CD163L1: variants seen among roughly 807,000 people sequenced by gnomAD.
CD163L1 encodes scavenger receptor cysteine-rich type 1 protein M160.
Under a neutral mutation model 165.4 loss-of-function variants are expected in CD163L1, and 124 were observed. That is an observed-to-expected ratio of 0.75 (90% CI 0.65 to 0.87). CD163L1 has a LOEUF of 0.87. Among genes scored for constraint, CD163L1 ranks in the 40% least tolerant of loss-of-function variants. The probability of loss-of-function intolerance (pLI) is 0.00; values close to 1 mark genes in which losing one functional copy is unlikely to be tolerated. For synonymous variants in CD163L1, 585 were observed against 662.2 expected, an observed-to-expected ratio of 0.88 and a Z score of 1.79; for missense variants, 1,525 against 1,799.9, an observed-to-expected ratio of 0.85 and a Z score of 2.76.
chr12:7,439,092 G>A, intron 2 of CD163L1: 2 of 1,576,286 alleles, frequency 1.3e-6, no homozygotes, highest in South Asian at 1.2e-5. Context: ...CCTGTGTCCT[G>A]CCCTGCTCTC....
chr12:7,319,697 A>G, the CD163L1 span, among the ~76,000 whole-genome samples: 1 of 152,148 alleles, frequency 6.6e-6, no homozygotes, highest in East Asian at 1.9e-4. Flanking sequence ...AACAGAAACC[A>G]GTCTGTCCTT....
downstream of CD163L1, among the ~76,000 whole-genome samples, chr12:7,342,963 T>C (rs1183286358): frequency 2.0e-5 from 3 of 152,346 alleles, no homozygotes; most frequent in South Asian, 2.1e-4. Context: ...CACCAATTTA[T>C]ACCTGTTTAC....
chr12:7,411,727 C>T lies in CD163L1; in HGVS notation c.767-4875G>A, dbSNP rs188512159. ...TTTTCTTTATAAATTATCCAGTCTC[C>T]GGTATTCCTTCATAGCAATGCAAAT... On this transcript the variant is annotated intron_variant, in intron 4 of 19. Transcript: ENST00000313599. Among the ~76,000 whole-genome samples the T allele has an allele frequency of 1.2e-4, 18 of 152,290 alleles. No homozygotes were observed. In the East Asian group the frequency reaches 2.5e-3, roughly 21 times the overall value.
chr12:7,341,257 A>G, the CD163L1 span, among the ~76,000 whole-genome samples: 2,136 of 152,290 alleles, frequency 0.014, 26 homozygotes, highest in Admixed American at 0.021. Context: ...GTAAGATAAA[A>G]GTTGTGGGAC....
At chr12:7,407,045 G>A (rs1423987547) in intron 4 of CD163L1, among the ~76,000 whole-genome samples, 193 bp from the exon 5 acceptor site, 1 of 152,170 alleles carries the variant, frequency 6.6e-6, no homozygotes, top group African/African-American at 2.4e-5. Context: ...ATACTATGAT[G>A]TTGACAATCC....
chr12:7,421,597 A>ATACATG (rs1948426740), intron 4 of CD163L1, among the ~76,000 whole-genome samples: 2 of 11,472 alleles, frequency 1.7e-4, no homozygotes, highest in South Asian at 4.0e-3. Flanking sequence ...ACATATACAT[A>ATACATG]TATGTACACA....
intron 8 of CD163L1, among the ~76,000 whole-genome samples, chr12:7,384,453 T>C (rs772942012): frequency 2.0e-5 from 3 of 152,202 alleles, no homozygotes; most frequent in South Asian, 4.2e-4. Context: ...GATCTCCAAA[T>C]TGATACACCT....
intron 4 of CD163L1, among the ~76,000 whole-genome samples, chr12:7,419,677 T>A (rs1247610197): frequency 6.6e-6 from 1 of 152,046 alleles, no homozygotes; most frequent in African/African-American, 2.4e-5. Flanking sequence ...ACAAAATTAA[T>A]GTATACAAAT....
At chr12:7,327,354 C>T in the CD163L1 span, among the ~76,000 whole-genome samples, 2 of 152,138 alleles carry the variant, frequency 1.3e-5, no homozygotes, top group Admixed American at 1.3e-4. Flanking sequence ...TAGTCCCATT[C>T]TGTATGAGAA....
At chr12:7,357,542 G>A (rs1946803651) in intron 18 of CD163L1, 56 bp from the exon 19 acceptor site, 1 of 1,469,678 alleles carries the variant, frequency 6.8e-7, no homozygotes, top group Non-Finnish European at 9.5e-7. Context: ...TCTGCAGAGG[G>A]AAGAGCTGTT....
chr12:7,323,284 G>A, the CD163L1 span: 1 of 1,611,364 alleles, frequency 6.2e-7, no homozygotes, highest in Non-Finnish European at 8.5e-7. Flanking sequence ...CAGGTTCAAT[G>A]GGGAAAGGAA....
chr12:7,418,444 A>G (rs1948288169), intron 4 of CD163L1, among the ~76,000 whole-genome samples: 1 of 152,098 alleles, frequency 6.6e-6, no homozygotes, highest in Non-Finnish European at 1.5e-5. Context: ...GAAAGAGTAT[A>G]AATAGACAAT....
At chr12:7,342,922 G>A (rs1321486129), downstream of CD163L1, among the ~76,000 whole-genome samples, 3 of 152,076 alleles carry the variant, frequency 2.0e-5, no homozygotes, top group Admixed American at 6.5e-5. Context: ...TTCTTTTCAC[G>A]TAAATCTCAT....
intron 6 of CD163L1, among the ~76,000 whole-genome samples, chr12:7,399,471 C>T: frequency 1.3e-5 from 2 of 150,628 alleles, no homozygotes; most frequent in African/African-American, 2.4e-5. Context: ...CCCTTCTTTC[C>T]TTCCTTCCTT....
intron 2 of CD163L1, chr12:7,438,887 T>C (rs1047641966): frequency 1.3e-5 from 20 of 1,590,266 alleles, no homozygotes; most frequent in East Asian, 4.5e-5. Context: ...TGCAGCACTT[T>C]TGCCTCTGTC....
In CD163L1 at chr12:7,402,819, A is replaced by T. The variant is rs758530416; in HGVS notation, c.1408+716T>A. 1.7e-3 allele frequency among the ~76,000 whole-genome samples: 258 copies of T among 152,022 alleles called. 2 individuals carry two copies. Among genetic ancestry groups the T allele is most frequent in the African/African-American group, 6.0e-3 (249 of 41,468 alleles). ...CCCAGCTAATTTTTAAATTTTTTGC[A>T]GAGGGAGTCTTGCTATATTACCCAA... On this transcript the variant is annotated intron_variant, in intron 6 of 19. Transcript: ENST00000313599.
rs370465837 is a variant in CD163L1, at chr12:7,369,478, T to C, written c.3918A>G (p.Gly1306=). ...LRDASFGQGT[G]TIWLDDMRCK... is the part of the protein sequence containing the mutation. Reference sequence around the variant, plus strand: ...ACCGCATGTCATCCAACCAGATGGTTCCAGTTCCCTGGCCAAACGAAGCGT... The same window carrying C: ...ACCGCATGTCATCCAACCAGATGGTCCCAGTTCCCTGGCCAAACGAAGCGT... Residue 1306 remains glycine, a synonymous_variant, in exon 15 of 20, where the codon GGA becomes GGG. Coordinates refer to ENST00000313599, the MANE Select transcript of CD163L1 (RefSeq NM_174941.6). The surrounding 1 kb of genome is among the most constrained non-coding windows in gnomAD (Gnocchi z 4.9). The C allele has an allele frequency of 3.6e-5, 58 of 1,614,002 alleles. No individual in the cohort carries two copies. The highest frequency in any genetic ancestry group is 2.2e-4 in the East Asian group (10 of 44,896).
chr12:7,425,025 C>G (rs1179335815), intron 4 of CD163L1, among the ~76,000 whole-genome samples: 1 of 152,082 alleles, frequency 6.6e-6, no homozygotes, highest in Non-Finnish European at 1.5e-5. Context: ...CCCATATAGC[C>G]AAGACAATTC....
chr12:7,337,534 C>T, the CD163L1 span, among the ~76,000 whole-genome samples: 2 of 152,004 alleles, frequency 1.3e-5, no homozygotes, highest in Non-Finnish European at 2.9e-5. Context: ...CTTCTCAAAA[C>T]AAGACATTTA....
Sources: gnomAD v4.1 joint callset for allele counts (sites outside exome capture counted in the v4.1 genomes callset) on GRCh38, gnomAD v4.1.1 for gene constraint, Gnocchi (gnomAD v3.1) non-coding constraint, MANE v1.5 for transcripts, NCBI Gene and HGNC (gene_info 2026-07-23, HGNC 2026-07-21) for gene names.